Variants in DLG2 observed in about 807,000 individuals in gnomAD.
The protein encoded by DLG2 is discs large MAGUK scaffold protein 2.
A neutral mutation model predicts 132.5 loss-of-function variants in DLG2; 45 were observed. That is an observed-to-expected ratio of 0.34 (90% confidence interval 0.27 to 0.44). DLG2 has a LOEUF of 0.44. DLG2 is among the 20% of genes least tolerant of loss of function. The pLI is 1.00. For synonymous variants in DLG2, 424 were observed against 419.6 expected (o/e 1.01, Z -0.13); for missense variants, 1,045 against 1,196.9 (o/e 0.87, Z 1.87).
intron 18 of DLG2, among the ~76,000 whole-genome samples, chr11:83,778,440 T>C (rs1000704023): frequency 6.6e-6 from 1 of 152,150 alleles, no homozygotes; most frequent in Non-Finnish European, 1.5e-5. Context: ...AATGTCAACA[T>C]ACCCCTCAAA....
chr11:85,194,788 C>A (rs1015814845), intron 4 of DLG2, among the ~76,000 whole-genome samples: 1 of 152,136 alleles, frequency 6.6e-6, no homozygotes, highest in African/African-American at 2.4e-5. Context: ...TAGCACAAAG[C>A]AGATGAATTT....
intron 8 of DLG2, among the ~76,000 whole-genome samples, chr11:84,193,783 T>C (rs1478138630): frequency 6.6e-6 from 1 of 152,216 alleles, no homozygotes; most frequent in Non-Finnish European, 1.5e-5. Flanking sequence ...ATAAGAAATA[T>C]CATCCTTTGT....
intron 7 of DLG2, among the ~76,000 whole-genome samples, chr11:84,494,254 G>C (rs1468428095): frequency 6.6e-6 from 1 of 152,186 alleles, no homozygotes; most frequent in African/African-American, 2.4e-5. Flanking sequence ...TAATCGGAAA[G>C]AATATGCTGC....
At chr11:83,765,813 C>T (rs1187754758) in intron 18 of DLG2, among the ~76,000 whole-genome samples, 1 of 152,128 alleles carries the variant, frequency 6.6e-6, no homozygotes, top group Non-Finnish European at 1.5e-5. Flanking sequence ...AAAACTGTTG[C>T]CTTTGTGCAC....
chr11:84,834,659 T>C (rs1230133869), intron 6 of DLG2, among the ~76,000 whole-genome samples: 1 of 151,524 alleles, frequency 6.6e-6, no homozygotes, highest in African/African-American at 2.4e-5. Context: ...GGAGTCTTTT[T>C]TATCATGAGG....
intron 6 of DLG2, among the ~76,000 whole-genome samples, chr11:84,632,141 T>C (rs1033689539): frequency 6.6e-6 from 1 of 152,138 alleles, no homozygotes; most frequent in Non-Finnish European, 1.5e-5. Flanking sequence ...CAAATGGAAG[T>C]TTGCTGTGTT....
chr11:85,465,630 T>C (rs1050341814), intron 3 of DLG2, among the ~76,000 whole-genome samples: 10 of 152,228 alleles, frequency 6.6e-5, no homozygotes, highest in Admixed American at 2.0e-4. Context: ...ACAAAGGACA[T>C]GAACTCATCA....
intron 6 of DLG2, among the ~76,000 whole-genome samples, chr11:84,584,673 CCTTTTTTTTT>C (rs2099524889): frequency 1.9e-5 from 2 of 105,870 alleles, no homozygotes; most frequent in African/African-American, 6.9e-5. Flanking sequence ...GCCCAGCATT[CCTTTTTTTTT>C]TTTTTTTTTT....
chr11:83,716,910 A>C (rs987642919), intron 18 of DLG2, among the ~76,000 whole-genome samples: 1 of 152,168 alleles, frequency 6.6e-6, no homozygotes, highest in Non-Finnish European at 1.5e-5. Context: ...CATGAAAAAA[A>C]TGTTACTGAA....
intron 21 of DLG2, among the ~76,000 whole-genome samples, chr11:83,524,311 G>A (rs573196610): frequency 1.3e-5 from 2 of 152,244 alleles, no homozygotes; most frequent in South Asian, 4.1e-4. Flanking sequence ...TTAAAATGCA[G>A]CTTTCCTGCC....
intron 18 of DLG2, among the ~76,000 whole-genome samples, chr11:83,730,600 C>T (rs545489182): frequency 1.3e-5 from 2 of 152,248 alleles, no homozygotes; most frequent in African/African-American, 2.4e-5. Context: ...CAACTTTGGA[C>T]CCTCATCAGC....
rs547581128 is a variant in DLG2, at chr11:83,481,444, T to C, written c.2293+2685A>G. On this transcript the variant is annotated intron_variant, in intron 22 of 27. Coordinates refer to ENST00000376104, the MANE Select transcript of DLG2 (RefSeq NM_001142699.3). The stretch of plus-strand genomic sequence containing the variant: ...TAAATAACATCAGTTTTTTAAAAAG[T>C]GACAATAGTTATACATTTTTAGAAA... 9.3e-4 allele frequency among the ~76,000 whole-genome samples: 141 copies of C among 152,216 alleles called. 2 individuals are homozygous for C. Among genetic ancestry groups the C allele is most frequent in the African/African-American group, 3.4e-3 (140 of 41,564 alleles).
chr11:83,547,243 A>G (rs2096264808), intron 19 of DLG2, among the ~76,000 whole-genome samples: 1 of 152,270 alleles, frequency 6.6e-6, no homozygotes, highest in African/African-American at 2.4e-5. Context: ...TTTCATAGTT[A>G]ACAAGGATAT....
intron 4 of DLG2, among the ~76,000 whole-genome samples, chr11:85,213,685 C>T (rs117159459): frequency 0.01 from 1,544 of 152,218 alleles, 10 homozygotes; most frequent in Non-Finnish European, 0.016. Context: ...GCATGTCTGA[C>T]CCATCCCCCT....
intron 2 of DLG2, among the ~76,000 whole-genome samples, chr11:85,620,126 C>A (rs901890282): frequency 1.1e-4 from 16 of 152,160 alleles, no homozygotes; most frequent in African/African-American, 3.9e-4. Context: ...GTAATTCTCA[C>A]AATATTTCAA....
chr11:85,062,193 GA>G lies in DLG2; in HGVS notation c.357+49467del, dbSNP rs897974519. 1.2e-4 allele frequency among the ~76,000 whole-genome samples: 18 copies of G among 151,510 alleles called. 1 individual carries two copies. The highest frequency in any genetic ancestry group is 5.3e-4 in the Admixed American group (8 of 15,162). ...CTTATAATGCTCTCTGAGCAATTCA[GA>G]AAAAAAGGAGGCTCTTTTATGCTAT... On this transcript the variant is annotated intron_variant, in intron 6 of 27. Transcript: ENST00000376104.
At chr11:84,986,353 A>T (rs2056492592) in intron 6 of DLG2, among the ~76,000 whole-genome samples, 1 of 152,170 alleles carries the variant, frequency 6.6e-6, no homozygotes, top group Non-Finnish European at 1.5e-5. Context: ...ATCCTGACAG[A>T]CAATCAAAGA....
chr11:84,776,326 A>G (rs2070485968), intron 6 of DLG2, among the ~76,000 whole-genome samples: 1 of 151,926 alleles, frequency 6.6e-6, no homozygotes. Flanking sequence ...TAATTTTTTA[A>G]AACATTTTTT....
chr11:85,330,882 C>A lies in DLG2; in HGVS notation c.41-45517G>T, dbSNP rs1250287106. ...TCTGCTCAAATTCTCATACATAAAC[C>A]CTTACTTCCACCTGGTGGTTTCCCA... On this transcript the variant is annotated intron_variant, in intron 3 of 27. Coordinates refer to ENST00000376104, the MANE Select transcript of DLG2 (RefSeq NM_001142699.3). Among the ~76,000 whole-genome samples, 4 of 151,184 alleles carry A rather than the reference C, an allele frequency of 2.6e-5. No homozygotes were observed. In the East Asian group the frequency reaches 5.8e-4, roughly 22 times the overall value.
Sources: allele counts gnomAD v4.1 joint callset (sites outside exome capture counted in the v4.1 genomes callset), GRCh38; gene constraint gnomAD v4.1.1; transcripts MANE v1.5; gene names NCBI Gene and HGNC (gene_info 2026-07-23, HGNC 2026-07-21).